ARSG: variants seen among roughly 807,000 people sequenced by gnomAD.
ARSG encodes the protein arylsulfatase G, also known as ASG.
Under a neutral mutation model 50.5 loss-of-function variants are expected in ARSG, and 37 were observed. The observed-to-expected ratio is 0.73, with a 90% CI of 0.56 to 0.96. ARSG has a LOEUF of 0.96. Among genes scored for constraint, ARSG ranks in the 50% least tolerant of loss-of-function variants. The pLI is 0.00. For synonymous variants in ARSG, 225 were observed against 254.6 expected (o/e 0.88, Z 1.11); for missense variants, 629 against 675.3 (o/e 0.93, Z 0.76).
In ARSG at chr17:68,362,456, ACACCGTCCTC is replaced by A. The variant is rs561414656; in HGVS notation, c.704+5655_704+5664del. ...GTTCTCTGCCTTGTGTGGTCACCAC[ACACCGTCCTC>A]CAGGTCCCACTGTCTCAGGGATCTT... On this transcript the variant is annotated intron_variant, in intron 6 of 11. Coordinates refer to ENST00000621439, the MANE Select transcript of ARSG (RefSeq NM_001267727.2). 2.6e-5 allele frequency among the ~76,000 whole-genome samples: 4 copies of A among 152,030 alleles called. No individual in the cohort carries two copies. In the East Asian group the frequency reaches 7.7e-4, roughly 29 times the overall value.
intron 8 of ARSG, among the ~76,000 whole-genome samples, chr17:68,373,984 C>T (rs930288082): frequency 2.6e-5 from 4 of 151,694 alleles, no homozygotes; most frequent in African/African-American, 4.8e-5. Flanking sequence ...GGTGAAACCC[C>T]GTCTCTACTA....
chr17:68,427,439 C>T (rs2083271667), downstream of ARSG: 2 of 425,714 alleles, frequency 4.7e-6, no homozygotes, highest in Non-Finnish European at 8.5e-6. Flanking sequence ...TCACTGCAAC[C>T]TCCGCCTCCT....
chr17:68,406,236 G>A (rs1347223242), intron 11 of ARSG, among the ~76,000 whole-genome samples: 1 of 152,102 alleles, frequency 6.6e-6, no homozygotes, highest in Non-Finnish European at 1.5e-5. Flanking sequence ...CCTTTTTATG[G>A]CTGAGCAGTA....
intron 8 of ARSG, chr17:68,379,734 T>C (rs12601974): frequency 1.3e-6 from 1 of 757,974 alleles, no homozygotes; most frequent in East Asian, 1.3e-4. Context: ...GAATTCAATA[T>C]GCTGGAGAGA....
intron 1 of ARSG, among the ~76,000 whole-genome samples, chr17:68,262,842 A>G (rs2144843176): frequency 6.6e-6 from 1 of 152,292 alleles, no homozygotes; most frequent in South Asian, 2.1e-4. Flanking sequence ...GGACACTTTA[A>G]GTAGAAGATG....
At chr17:68,370,036 A>G (rs754666472) in intron 7 of ARSG, among the ~76,000 whole-genome samples, 19 of 152,096 alleles carry the variant, frequency 1.2e-4, no homozygotes, top group Non-Finnish European at 2.8e-4. Flanking sequence ...ATTTTTTTAG[A>G]TGGAGTCTTG....
At chr17:68,402,258 GT>G (rs1313641090) in intron 11 of ARSG, among the ~76,000 whole-genome samples, 1 of 151,874 alleles carries the variant, frequency 6.6e-6, no homozygotes, top group Non-Finnish European at 1.5e-5. Flanking sequence ...TTGTTTGTTT[GT>G]TTTGAGACAG....
chr17:68,323,832 G>A (rs1352542185), intron 2 of ARSG, among the ~76,000 whole-genome samples: 4 of 152,106 alleles, frequency 2.6e-5, no homozygotes, highest in Non-Finnish European at 5.9e-5. Context: ...CAACACTTTG[G>A]GAGGCCGAAG....
Position 68,343,859 on chromosome 17 carries a change from C to T in ARSG, c.406+68C>T, listed in dbSNP as rs141203586. 937 of 1,445,864 alleles carry T rather than the reference C, an allele frequency of 6.5e-4. 3 individuals carry two copies. The African/African-American group carries it at 0.012, about 18-fold the overall frequency. The allele number at this position is 1,445,864 out of a possible 1,614,324, so 89.6% of individuals were successfully genotyped here. On this transcript the variant is annotated intron_variant, in intron 3 of 11. Coordinates refer to ENST00000621439, the MANE Select transcript of ARSG (RefSeq NM_001267727.2). ...CAGCCGCCTTGTGTTTGCAAATTCCCAACATACTCCCTGTCTGCTTTCCTG... is the reference window on the plus strand; with the variant it reads ...CAGCCGCCTTGTGTTTGCAAATTCCTAACATACTCCCTGTCTGCTTTCCTG...
the ARSG span, chr17:68,451,026 T>G: frequency 7.7e-7 from 1 of 1,300,810 alleles, no homozygotes; most frequent in South Asian, 1.6e-5. Flanking sequence ...CCAGGCGCCC[T>G]CTCTGAGCTT....
chr17:68,433,760 G>GTTTTTTTTTTTTTTTTTTTTTTT, the ARSG span, among the ~76,000 whole-genome samples: 1 of 72,814 alleles, frequency 1.4e-5, no homozygotes, highest in South Asian at 5.5e-4. Flanking sequence ...AAGGGTCATA[G>GTTTTTTTTTTTTTTTTTTTTTTT]TTTTTTTTTT....
At chr17:68,285,824 G>T (rs1555754178) in intron 1 of ARSG, among the ~76,000 whole-genome samples, 3 of 151,754 alleles carry the variant, frequency 2.0e-5, no homozygotes, top group African/African-American at 7.3e-5. Context: ...GCAGTGGCAT[G>T]ATTTCGGCTC....
At chr17:68,294,509 A>G (rs1418431303) in intron 1 of ARSG, among the ~76,000 whole-genome samples, 3 of 152,138 alleles carry the variant, frequency 2.0e-5, no homozygotes, top group African/African-American at 7.2e-5. Flanking sequence ...CTCTGGGAAG[A>G]GGGTCCCGCA....
chr17:68,262,728 G>A (rs2075093445), intron 1 of ARSG, among the ~76,000 whole-genome samples: 1 of 152,184 alleles, frequency 6.6e-6, no homozygotes, highest in African/African-American at 2.4e-5. Context: ...AAGGGTCCTG[G>A]TGCAGTTGGC....
At chr17:68,337,899 G>A (rs2078097889) in intron 2 of ARSG, among the ~76,000 whole-genome samples, 1 of 152,152 alleles carries the variant, frequency 6.6e-6, no homozygotes, top group Admixed American at 6.5e-5. Context: ...TTACAGGTGT[G>A]AGCCACTGCG....
At chr17:68,423,879 A>G (rs1332204665), downstream of ARSG, among the ~76,000 whole-genome samples, 1 of 152,226 alleles carries the variant, frequency 6.6e-6, no homozygotes, top group African/African-American at 2.4e-5. The surrounding 1 kb of genome is among the most constrained non-coding windows in gnomAD (Gnocchi z 4.4). Flanking sequence ...CTGCGATTAC[A>G]ATTAAGAATC....
chr17:68,435,764 G>A, the ARSG span: 3 of 1,508,378 alleles, frequency 2.0e-6, no homozygotes, highest in Non-Finnish European at 2.8e-6. Flanking sequence ...AGGGAAGATG[G>A]ATTTCACCTC....
intron 1 of ARSG, among the ~76,000 whole-genome samples, chr17:68,306,291 C>T (rs946762678): frequency 1.3e-5 from 2 of 151,994 alleles, no homozygotes; most frequent in Admixed American, 6.5e-5. Context: ...TGTGAACCAC[C>T]GCTCCCTGCG....
intron 1 of ARSG, among the ~76,000 whole-genome samples, chr17:68,264,999 C>T (rs1377871334): frequency 6.6e-6 from 1 of 150,384 alleles, no homozygotes; most frequent in Non-Finnish European, 1.5e-5. Flanking sequence ...ACTAAAAATA[C>T]AAAAATTAGC....
Sources: gnomAD v4.1 joint callset for allele counts (sites outside exome capture counted in the v4.1 genomes callset) on GRCh38, gnomAD v4.1.1 for gene constraint, Gnocchi (gnomAD v3.1) non-coding constraint, MANE v1.5 for transcripts, NCBI Gene and HGNC (gene_info 2026-07-23, HGNC 2026-07-21) for gene names.